The following C3orf70 variants were observed in gnomAD, a reference collection of about 807,000 sequenced individuals.
C3orf70 encodes UPF0524 protein C3orf70.
A neutral mutation model predicts 20.7 loss-of-function variants in C3orf70; 15 were observed. The observed-to-expected ratio is 0.72, with a 90% confidence interval of 0.48 to 1.11. The LOEUF is 1.11. C3orf70 is among the 50% of genes most tolerant of loss of function. C3orf70 has a pLI of 0.00. For synonymous variants in C3orf70, 161 were observed against 125.7 expected, an observed-to-expected ratio of 1.28 and a Z score of -1.88; for missense variants, 332 against 317.6, an observed-to-expected ratio of 1.05 and a Z score of -0.34.
At chr3:185,112,776 A>AT (rs1716100354) in intron 1 of C3orf70, among the ~76,000 whole-genome samples, 1 of 152,162 alleles carries the variant, frequency 6.6e-6, no homozygotes, top group Admixed American at 6.5e-5. Context: ...CTCCTACCCT[A>AT]TCACAGTAAG....
chr3:185,122,029 G>A (rs913248099), intron 1 of C3orf70, among the ~76,000 whole-genome samples: 2 of 151,628 alleles, frequency 1.3e-5, no homozygotes, highest in Admixed American at 1.3e-4. Context: ...AACGCAGGAG[G>A]CGGAGCTTGC....
chr3:185,136,314 A>G (rs1429217521), intron 1 of C3orf70, among the ~76,000 whole-genome samples: 1 of 152,178 alleles, frequency 6.6e-6, no homozygotes, highest in Non-Finnish European at 1.5e-5. Flanking sequence ...CTGGCCAGGC[A>G]TGGTGGCTCA....
intron 1 of C3orf70, among the ~76,000 whole-genome samples, chr3:185,110,270 T>C (rs1716043282): frequency 6.6e-6 from 1 of 152,192 alleles, no homozygotes; most frequent in African/African-American, 2.4e-5. Flanking sequence ...AAAGAACAAA[T>C]ATTTAAAGTA....
chr3:185,108,763 G>C (rs540498864), intron 1 of C3orf70, among the ~76,000 whole-genome samples: 8 of 152,314 alleles, frequency 5.3e-5, no homozygotes, highest in African/African-American at 1.7e-4. Context: ...GTTAATCCTC[G>C]AGGACTGGAA....
chr3:185,135,349 A>G (rs1716600761), intron 1 of C3orf70, among the ~76,000 whole-genome samples: 1 of 152,158 alleles, frequency 6.6e-6, no homozygotes, highest in Non-Finnish European at 1.5e-5. Context: ...GGCCAGGCGC[A>G]GTGGCTCATG....
At chr3:185,115,218 A>G (rs1304385227) in intron 1 of C3orf70, among the ~76,000 whole-genome samples, 1 of 152,070 alleles carries the variant, frequency 6.6e-6, no homozygotes, top group African/African-American at 2.4e-5. Flanking sequence ...ACACTAAATA[A>G]TCTTTAAGGT....
chr3:185,111,865 A>G (rs1228508487), intron 1 of C3orf70, among the ~76,000 whole-genome samples: 1 of 152,240 alleles, frequency 6.6e-6, no homozygotes, highest in Non-Finnish European at 1.5e-5. Context: ...ATGAAATGTA[A>G]TTATATTATT....
intron 1 of C3orf70, among the ~76,000 whole-genome samples, chr3:185,135,546 A>T (rs1041903758): frequency 1.3e-5 from 2 of 152,240 alleles, no homozygotes; most frequent in African/African-American, 4.8e-5. Flanking sequence ...ACAAACATAC[A>T]TTAGACAAAA....
chr3:185,150,314 G>A (rs1266766193), intron 1 of C3orf70, among the ~76,000 whole-genome samples: 2 of 152,138 alleles, frequency 1.3e-5, no homozygotes, highest in Admixed American at 6.6e-5. Flanking sequence ...TAACTTTTAT[G>A]AACATGTACT....
intron 1 of C3orf70, among the ~76,000 whole-genome samples, chr3:185,101,659 G>A (rs190745982): frequency 1.7e-3 from 261 of 152,178 alleles, no homozygotes; most frequent in Non-Finnish European, 1.8e-3. Flanking sequence ...TGGAGGAGGT[G>A]CTATACACCT....
intron 1 of C3orf70, among the ~76,000 whole-genome samples, chr3:185,089,665 TCACAAACTCA>T (rs1315431498): frequency 3.9e-5 from 6 of 152,156 alleles, no homozygotes; most frequent in African/African-American, 1.2e-4. Flanking sequence ...TATAAAAATA[TCACAAACTCA>T]TTAACTTATC....
chr3:185,131,337 T>C (rs1716519159), intron 1 of C3orf70, among the ~76,000 whole-genome samples: 1 of 152,236 alleles, frequency 6.6e-6, no homozygotes, highest in Non-Finnish European at 1.5e-5. Context: ...CTGCAGTGTT[T>C]TGAATGGAGG....
chr3:185,136,391 C>G (rs1716621744), intron 1 of C3orf70, among the ~76,000 whole-genome samples: 1 of 152,046 alleles, frequency 6.6e-6, no homozygotes, highest in Non-Finnish European at 1.5e-5. Context: ...AGTTGGAGAC[C>G]AGCCTGGCCA....
chr3:185,110,972 T>G (rs1716059156), intron 1 of C3orf70, among the ~76,000 whole-genome samples: 1 of 152,216 alleles, frequency 6.6e-6, no homozygotes, highest in African/African-American at 2.4e-5. Flanking sequence ...ACTTCACACC[T>G]CTATATTTCT....
intron 1 of C3orf70, among the ~76,000 whole-genome samples, chr3:185,151,910 G>A (rs1716995764): frequency 6.6e-6 from 1 of 152,222 alleles, no homozygotes; most frequent in African/African-American, 2.4e-5. Context: ...TAAACACAGA[G>A]AAAGGGTTTA....
Position 185,152,971 on chromosome 3 carries a change from T to A in C3orf70, c.-148A>T. ...CGCGGCGGCGGCGGGAGCGCGGCGGTCCCAGGCTCGAGGAGGAGCCGCCCC... is the reference window on the plus strand; with the variant it reads ...CGCGGCGGCGGCGGGAGCGCGGCGGACCCAGGCTCGAGGAGGAGCCGCCCC... On this transcript the variant is annotated 5_prime_UTR_variant, in exon 1 of 2. Transcript: ENST00000335012. 1.6e-6 allele frequency: 1 copy of A among 616,830 alleles called. No homozygotes were observed. Among genetic ancestry groups the A allele is most frequent in the Non-Finnish European group, 2.3e-6 (1 of 438,310 alleles). The allele number at this position is 616,830 out of a possible 1,614,324, so 38.2% of individuals were successfully genotyped here. A position where few individuals can be genotyped will look rare whatever the true frequency, so the allele number is the denominator to read the frequency against.
At position 185,083,064 on chromosome 3, in the gene C3orf70, A is replaced by G. The variant is rs1561323205; in HGVS notation, c.696T>C (p.Leu232=). 2.5e-6 allele frequency: 4 copies of G among 1,613,398 alleles called. No individual in the cohort carries two copies. The highest frequency in any genetic ancestry group is 2.5e-6 in the Non-Finnish European group (3 of 1,179,766). Residue 232 remains leucine, a synonymous_variant, in exon 2 of 2, where the codon CTT becomes CTC. Transcript: ENST00000335012. ...CCAGGTCAGACTGCGAGGGGGAGAG[A>G]AGGGTGCACTCATCCGGTTCCCAGC... ...ESSWEPDECT[L]LSPSQSDLEV...
At chr3:185,109,300 A>G (rs1716013016) in intron 1 of C3orf70, among the ~76,000 whole-genome samples, 1 of 152,242 alleles carries the variant, frequency 6.6e-6, no homozygotes, top group African/African-American at 2.4e-5. Context: ...ACAAAAAGTT[A>G]GGACATAGAT....
intron 1 of C3orf70, among the ~76,000 whole-genome samples, chr3:185,128,495 T>C (rs1716459198): frequency 6.8e-6 from 1 of 147,636 alleles, no homozygotes; most frequent in Admixed American, 6.9e-5. Flanking sequence ...ACCACTGCAC[T>C]CCGGCCTGGC....
Sources: allele counts gnomAD v4.1 joint callset (sites outside exome capture counted in the v4.1 genomes callset), GRCh38; gene constraint gnomAD v4.1.1; transcripts MANE v1.5; gene names NCBI Gene and HGNC (gene_info 2026-07-23, HGNC 2026-07-21).